Variants in PHLPP1 observed in about 807,000 individuals in gnomAD.
PHLPP1 encodes PH domain leucine-rich repeat-containing protein phosphatase 1.
In PHLPP1, 42 loss-of-function variants were observed where a neutral mutation model predicts 117.2. The ratio of observed to expected loss-of-function variants is 0.36; its 90% CI spans 0.28 to 0.46. The LOEUF (loss-of-function observed/expected upper bound fraction) is 0.46. PHLPP1 is among the 20% of genes least tolerant of loss of function. PHLPP1 has a pLI of 1.00. For missense variants in PHLPP1, 2,084 were observed against 2,241.9 expected, an observed-to-expected ratio of 0.93 and a Z score of 1.42; for synonymous variants, 1,042 against 970.7, an observed-to-expected ratio of 1.07 and a Z score of -1.37.
At chr18:62,858,413 C>T (rs1172364551) in intron 3 of PHLPP1, among the ~76,000 whole-genome samples, 1 of 152,130 alleles carries the variant, frequency 6.6e-6, no homozygotes, top group Non-Finnish European at 1.5e-5. Flanking sequence ...CAGGCACCCA[C>T]CACTACGCCC....
chr18:62,936,589 A>G (rs996339616), intron 10 of PHLPP1, among the ~76,000 whole-genome samples: 2 of 152,246 alleles, frequency 1.3e-5, no homozygotes, highest in Admixed American at 6.5e-5. Flanking sequence ...CAAAGTTAAT[A>G]TCTCCAATAA....
intron 1 of PHLPP1, among the ~76,000 whole-genome samples, chr18:62,745,057 A>G (rs909901442): frequency 2.0e-5 from 3 of 152,208 alleles, no homozygotes; most frequent in African/African-American, 7.2e-5. Flanking sequence ...AAAACCTGGC[A>G]TTTGGATATC....
At chr18:62,838,938 C>T in intron 3 of PHLPP1, 29 bp downstream of exon 3, 1 of 1,612,544 alleles carries the variant, frequency 6.2e-7, no homozygotes, top group South Asian at 1.1e-5. Context: ...CAGGAATCCA[C>T]TCAGCTTCTA....
rs1209954645 is a variant in PHLPP1, at chr18:62,958,779, C to T, written c.3455+20C>T. The T allele has an allele frequency of 6.2e-7, 1 of 1,613,198 alleles. No homozygotes were observed. The highest frequency in any genetic ancestry group is 1.3e-5 in the African/African-American group (1 of 74,916). Reference sequence around the variant, plus strand: ...ACTGAAGTAAGTATTCTGTAAAGCACTGTATCCCCATCATTGTCCACTGGC... The same window carrying T: ...ACTGAAGTAAGTATTCTGTAAAGCATTGTATCCCCATCATTGTCCACTGGC... On this transcript the variant is annotated intron_variant, in intron 13 of 16. Coordinates refer to ENST00000262719, the MANE Select transcript of PHLPP1 (RefSeq NM_194449.4).
At chr18:62,806,506 ATTCT>A (rs2144306781) in intron 1 of PHLPP1, among the ~76,000 whole-genome samples, 1 of 152,258 alleles carries the variant, frequency 6.6e-6, no homozygotes, top group South Asian at 2.1e-4. Context: ...TGGTTAGTTG[ATTCT>A]TTTTTTGCTG....
chr18:62,940,883 G>A (rs1011757484), intron 10 of PHLPP1, among the ~76,000 whole-genome samples: 1 of 152,128 alleles, frequency 6.6e-6, no homozygotes, highest in Non-Finnish European at 1.5e-5. Flanking sequence ...GTTACACGCC[G>A]TCTCCTGGAT....
rs547688857 is a variant in PHLPP1 at position 62,860,426 on chromosome 18, C to T, written c.1900-9C>T. 1 of 1,611,436 alleles carries T rather than the reference C, an allele frequency of 6.2e-7. No homozygotes were observed. Among genetic ancestry groups the T allele is most frequent in the African/African-American group, 1.3e-5 (1 of 74,780 alleles). The stretch of plus-strand genomic sequence containing the variant: ...GATGGTATTAAAATTAAGTTTTATC[C>T]CCCTTTAGGTTGCATCCCAGCGCAT... On this transcript the variant is annotated splice_polypyrimidine_tract_variant and intron_variant, in intron 3 of 16. Coordinates refer to ENST00000262719, the MANE Select transcript of PHLPP1 (RefSeq NM_194449.4).
intron 12 of PHLPP1, among the ~76,000 whole-genome samples, chr18:62,956,216 G>A (rs944604392): frequency 6.6e-6 from 1 of 152,130 alleles, no homozygotes; most frequent in Non-Finnish European, 1.5e-5. Flanking sequence ...TTTCTTGCTC[G>A]CAGTTCTAGA....
At chr18:62,759,330 C>T (rs1199843845) in intron 1 of PHLPP1, among the ~76,000 whole-genome samples, 2 of 152,190 alleles carry the variant, frequency 1.3e-5, no homozygotes, top group Non-Finnish European at 1.5e-5. Flanking sequence ...TCTCCACTCA[C>T]CTGTTAAATG....
chr18:62,761,435 A>G (rs1168810261), intron 1 of PHLPP1, among the ~76,000 whole-genome samples: 1 of 151,914 alleles, frequency 6.6e-6, no homozygotes, highest in Admixed American at 6.5e-5. Flanking sequence ...GATCGAGACC[A>G]TCCTGGCTAA....
intron 4 of PHLPP1, among the ~76,000 whole-genome samples, chr18:62,892,327 G>A (rs1003797723): frequency 6.6e-6 from 1 of 151,890 alleles, no homozygotes; most frequent in Non-Finnish European, 1.5e-5. Flanking sequence ...GACTTCAGGT[G>A]ATCCACCGGC....
At chr18:62,749,199 G>T (rs528791953) in intron 1 of PHLPP1, among the ~76,000 whole-genome samples, 1 of 150,356 alleles carries the variant, frequency 6.7e-6, no homozygotes, top group Non-Finnish European at 1.5e-5. Flanking sequence ...TTACCCAAAG[G>T]CTTGCTGGTA....
Position 62,830,087 on chromosome 18 carries a change from T to C in PHLPP1, c.1629T>C (p.Tyr543=), listed in dbSNP as rs1265372700. 1.2e-6 allele frequency: 2 copies of C among 1,613,784 alleles called. No homozygotes were observed. The highest frequency in any genetic ancestry group is 4.5e-5 in the East Asian group (2 of 44,874). ...AACGGATTCAGCTCTCAGGAATGTA[T>C]AATGTCCGTAAAGGCAAGATGCAGT... is the stretch of plus-strand genomic sequence containing the variant. ...SSERIQLSGM[Y]NVRKGKMQLP... The change falls in exon 2 of 17, where the codon TAT becomes TAC. Residue 543 remains tyrosine, a synonymous_variant. Coordinates refer to ENST00000262719, the MANE Select transcript of PHLPP1 (RefSeq NM_194449.4).
chr18:62,725,698 G>A (rs1433852241), intron 1 of PHLPP1, among the ~76,000 whole-genome samples: 1 of 152,204 alleles, frequency 6.6e-6, no homozygotes, highest in Non-Finnish European at 1.5e-5. Context: ...TTTGTGAACT[G>A]TGGAAACAAA....
intron 3 of PHLPP1, among the ~76,000 whole-genome samples, chr18:62,853,256 T>C (rs569349396): frequency 1.8e-4 from 28 of 152,300 alleles, no homozygotes; most frequent in African/African-American, 5.8e-4. Flanking sequence ...TTGGAAATTA[T>C]GTTCATTTTG....
At chr18:62,892,107 T>TTTA (rs1169764772) in intron 4 of PHLPP1, among the ~76,000 whole-genome samples, 1 of 117,810 alleles carries the variant, frequency 8.5e-6, no homozygotes, top group African/African-American at 2.9e-5. Flanking sequence ...TTTTTTTTTT[T>TTTA]TACGGAGTTT....
intron 1 of PHLPP1, among the ~76,000 whole-genome samples, chr18:62,801,787 C>A (rs1434953976): frequency 6.6e-6 from 1 of 152,110 alleles, no homozygotes; most frequent in Non-Finnish European, 1.5e-5. Flanking sequence ...TCTCATATTT[C>A]TTTCCAAGTC....
intron 4 of PHLPP1, among the ~76,000 whole-genome samples, chr18:62,887,261 A>G (rs1466976636): frequency 6.6e-6 from 1 of 152,214 alleles, no homozygotes; most frequent in Non-Finnish European, 1.5e-5. Context: ...TGCAGTAGTC[A>G]TACAGTTTCT....
intron 1 of PHLPP1, among the ~76,000 whole-genome samples, chr18:62,807,929 C>T (rs148148163): frequency 4.9e-4 from 75 of 152,168 alleles, no homozygotes; most frequent in African/African-American, 1.8e-3. Context: ...ACTGTATAAA[C>T]ACTGGACACT....
Sources: gnomAD v4.1 joint callset for allele counts (sites outside exome capture counted in the v4.1 genomes callset) on GRCh38, gnomAD v4.1.1 for gene constraint, MANE v1.5 for transcripts, NCBI Gene and HGNC (gene_info 2026-07-23, HGNC 2026-07-21) for gene names.